Variants in ZNF670 observed in about 807,000 individuals in gnomAD.
ZNF670 encodes zinc finger protein 670.
Under a neutral mutation model 10.9 loss-of-function variants are expected in ZNF670, and 7 were observed. The observed-to-expected ratio is 0.64, with a 90% CI of 0.36 to 1.20. ZNF670 has a LOEUF of 1.20. Ranked by LOEUF, ZNF670 falls within the 50% of genes most tolerant of loss-of-function variation. The pLI is 0.02. For synonymous variants in ZNF670, 136 were observed against 152.7 expected (o/e 0.89, Z 0.81); for missense variants, 446 against 458.6 (o/e 0.97, Z 0.25).
At chr1:247,051,229 G>C (rs1278570412) in intron 1 of ZNF670, among the ~76,000 whole-genome samples, 3 of 151,410 alleles carry the variant, frequency 2.0e-5, no homozygotes, top group Non-Finnish European at 4.4e-5. Flanking sequence ...ACTCCAGCCT[G>C]GGCGACAGAG....
intron 1 of ZNF670, among the ~76,000 whole-genome samples, chr1:247,048,797 C>T (rs1051599115): frequency 7.2e-5 from 11 of 152,130 alleles, no homozygotes; most frequent in African/African-American, 2.2e-4. Flanking sequence ...AGAAACTTGC[C>T]AAACACTCAT....
At chr1:247,053,518 C>T (rs564140535) in intron 1 of ZNF670, among the ~76,000 whole-genome samples, 2 of 152,266 alleles carry the variant, frequency 1.3e-5, no homozygotes, top group South Asian at 4.1e-4. Context: ...CGCCTGTAGT[C>T]CCAGCTACTC....
intron 1 of ZNF670, among the ~76,000 whole-genome samples, chr1:247,044,324 C>T (rs1670388837): frequency 6.6e-6 from 1 of 151,942 alleles, no homozygotes; most frequent in South Asian, 2.1e-4. Flanking sequence ...GGCAAAGTAG[C>T]GCAGAAAATG....
Position 247,068,953 on chromosome 1 carries a change from C to T in ZNF670, c.3+9641G>A, listed in dbSNP as rs534963876. On this transcript the variant is annotated intron_variant, in intron 1 of 3. Transcript: ENST00000366503. Reference sequence around the variant, plus strand: ...GAAAAACAAATATCGCATGTTCTCACTTATCTGTGGGATATAAAAATCAAA... The same window carrying T: ...GAAAAACAAATATCGCATGTTCTCATTTATCTGTGGGATATAAAAATCAAA... Among the ~76,000 whole-genome samples, 5 of 149,794 alleles carry T rather than the reference C, an allele frequency of 3.3e-5. No homozygotes were observed. In the South Asian group the frequency reaches 1.1e-3, roughly 32 times the overall value.
intron 1 of ZNF670, among the ~76,000 whole-genome samples, chr1:247,067,608 C>T (rs373934569): frequency 1.3e-4 from 19 of 149,682 alleles, no homozygotes; most frequent in African/African-American, 3.7e-4. Context: ...TTTGGGAGGC[C>T]GAGGCGGGCG....
chr1:247,052,739 G>A (rs932430822), intron 1 of ZNF670, among the ~76,000 whole-genome samples: 2 of 152,176 alleles, frequency 1.3e-5, no homozygotes, highest in East Asian at 1.9e-4. Flanking sequence ...CAGCCAGGAG[G>A]TGGCACTTTC....
chr1:247,062,118 CA>C (rs1304519349), intron 1 of ZNF670, among the ~76,000 whole-genome samples: 1 of 152,162 alleles, frequency 6.6e-6, no homozygotes, highest in Non-Finnish European at 1.5e-5. Context: ...TATACACTGT[CA>C]CAAATTCTCC....
At chr1:247,062,622 A>G (rs1572567981) in intron 1 of ZNF670, among the ~76,000 whole-genome samples, 1 of 152,294 alleles carries the variant, frequency 6.6e-6, no homozygotes, top group African/African-American at 2.4e-5. Flanking sequence ...CACCCTGCTC[A>G]CTAAAATGCT....
At chr1:247,050,982 T>C (rs536981533) in intron 1 of ZNF670, among the ~76,000 whole-genome samples, 1 of 152,192 alleles carries the variant, frequency 6.6e-6, no homozygotes, top group East Asian at 1.9e-4. Context: ...GGTTCTATTT[T>C]GGTGTATTTT....
chr1:247,039,060 C>CTTTTTTTTTTTT (rs3078762), intron 2 of ZNF670, among the ~76,000 whole-genome samples, 190 bp from the exon 3 acceptor site: 2 of 125,642 alleles, frequency 1.6e-5, no homozygotes, highest in African/African-American at 3.1e-5. Context: ...TTCTTTCTTT[C>CTTTTTTTTTTTT]TTTTTTTTTT....
In ZNF670 at chr1:247,034,758, C is replaced by T. The variant is rs976935334; in HGVS notation, c.*2691G>A. ...TCCCTGGAGCTGTCCCAAGTGTGTA[C>T]AGTAATAACGTTCACATGGCTACTC... On this transcript the variant is annotated 3_prime_UTR_variant, in exon 4 of 4. Transcript: ENST00000366503. Among the ~76,000 whole-genome samples the T allele has an allele frequency of 2.0e-5, 3 of 152,188 alleles. No homozygotes were observed. Among genetic ancestry groups the T allele is most frequent in the South Asian group, 2.1e-4 (1 of 4,830 alleles).
intron 1 of ZNF670, among the ~76,000 whole-genome samples, chr1:247,066,520 A>G (rs1448593345): frequency 6.6e-6 from 1 of 152,204 alleles, no homozygotes; most frequent in Non-Finnish European, 1.5e-5. Flanking sequence ...CCATCCCCCA[A>G]AACTTGCCAT....
intron 1 of ZNF670, among the ~76,000 whole-genome samples, chr1:247,068,452 C>T (rs1671043212): frequency 6.7e-6 from 1 of 149,920 alleles, no homozygotes; most frequent in African/African-American, 2.5e-5. Flanking sequence ...ATCAAAACTA[C>T]AATAGGATAT....
At chr1:247,049,786 A>C (rs1303954249) in intron 1 of ZNF670, among the ~76,000 whole-genome samples, 2 of 152,250 alleles carry the variant, frequency 1.3e-5, no homozygotes, top group African/African-American at 2.4e-5. Flanking sequence ...CCCAACAGTC[A>C]GTCATTCAGG....
intron 1 of ZNF670, 103 bp downstream of exon 1, chr1:247,078,491 G>T: frequency 4.8e-6 from 7 of 1,468,806 alleles, no homozygotes; most frequent in Non-Finnish European, 4.7e-6. Flanking sequence ...GCGAGGCGCC[G>T]GCGGAAACTC....
rs1343076110 is a variant in ZNF670, at chr1:247,078,797, G to T, written c.-201C>A. On this transcript the variant is annotated 5_prime_UTR_variant, in exon 1 of 4. Coordinates refer to ENST00000366503, the MANE Select transcript of ZNF670 (RefSeq NM_033213.5). ...CCCGGAAGCTGCTCCCTCCTTTCGC[G>T]GCGCGCTTGAGAGTACAGTCCCCTT... is the stretch of plus-strand genomic sequence containing the variant. The T allele has an allele frequency of 8.3e-6, 5 of 600,080 alleles. No homozygotes were observed. The highest frequency in any genetic ancestry group is 1.5e-5 in the Non-Finnish European group (5 of 340,876). 37.2% of individuals were successfully genotyped at this position (600,080 alleles called of 1,614,324 possible).
intron 1 of ZNF670, among the ~76,000 whole-genome samples, chr1:247,066,190 G>A (rs1670976247): frequency 6.6e-6 from 1 of 152,230 alleles, no homozygotes; most frequent in South Asian, 2.1e-4. Context: ...TCTTTGGAAA[G>A]CAGGCACTGA....
rs1670192827 is a variant in ZNF670, at chr1:247,037,697, G to A, written c.922C>T (p.Pro308Ser). ...VHERTHSGEK[P>S]YECKQCGKAF... ...TTACCACATTGTTTACATTCATAGG[G>A]CTTTTCTCCACTGTGAGTCCTTTCA... The change falls in exon 4 of 4, where the codon CCC becomes TCC. Residue 308 changes from proline to serine, a missense_variant. Transcript: ENST00000366503. 1 of 1,613,880 alleles carries A rather than the reference G, an allele frequency of 6.2e-7. No individual in the cohort carries two copies. Among genetic ancestry groups the A allele is most frequent in the African/African-American group, 1.3e-5 (1 of 75,014 alleles).
chr1:247,076,391 G>A (rs968194394), intron 1 of ZNF670, among the ~76,000 whole-genome samples: 2 of 151,720 alleles, frequency 1.3e-5, no homozygotes, highest in African/African-American at 4.8e-5. Context: ...TGAGTAGCTG[G>A]GACTACAGGC....
Sources: gnomAD v4.1 joint callset for allele counts (sites outside exome capture counted in the v4.1 genomes callset) on GRCh38, gnomAD v4.1.1 for gene constraint, MANE v1.5 for transcripts, NCBI Gene and HGNC (gene_info 2026-07-23, HGNC 2026-07-21) for gene names.